The following WIPF1 variants were observed in gnomAD, a reference collection of about 807,000 sequenced individuals.
WIPF1 encodes the protein WAS/WASL-interacting protein family member 1.
WIPF1 carries 13 observed loss-of-function variants against 35.4 expected under a neutral mutation model. The observed-to-expected ratio is 0.37, with a 90% confidence interval of 0.24 to 0.58. WIPF1 has a LOEUF of 0.58. Among genes scored for constraint, WIPF1 ranks in the 20% least tolerant of loss-of-function variants. The pLI is 0.74. For missense variants in WIPF1, 591 were observed against 667.0 expected, an observed-to-expected ratio of 0.89 and a Z score of 1.25; for synonymous variants, 267 against 266.3, an observed-to-expected ratio of 1.00 and a Z score of -0.02.
chr2:174,602,859 G>A (rs1348732747), intron 1 of WIPF1, among the ~76,000 whole-genome samples: 3 of 152,132 alleles, frequency 2.0e-5, no homozygotes, highest in Non-Finnish European at 4.4e-5. Context: ...TTATAATCAC[G>A]TCCATTTGTT....
At chr2:174,642,836 C>T (rs1374027910) in intron 1 of WIPF1, among the ~76,000 whole-genome samples, 1 of 149,340 alleles carries the variant, frequency 6.7e-6, no homozygotes, top group Non-Finnish European at 1.5e-5. Flanking sequence ...TTTCTTATTT[C>T]CTTTTCCCCA....
chr2:174,575,576 G>T, intron 3 of WIPF1, 196 bp from the exon 4 acceptor site: 2 of 955,704 alleles, frequency 2.1e-6, no homozygotes, highest in Non-Finnish European at 2.9e-6. Context: ...CAAGCCCAGT[G>T]GTGGAAGAAA....
At chr2:174,601,088 A>AT (rs11342932), upstream of WIPF1, among the ~76,000 whole-genome samples, 16 of 147,770 alleles carry the variant, frequency 1.1e-4, no homozygotes, top group South Asian at 1.3e-3. Context: ...CGCCTGGCTA[A>AT]TTTTTTTTTT....
intron 1 of WIPF1, among the ~76,000 whole-genome samples, chr2:174,593,023 CT>C (rs988287397): frequency 7.3e-5 from 11 of 150,502 alleles, no homozygotes; most frequent in African/African-American, 1.5e-4. Context: ...TTCAAGATTT[CT>C]TTTTTTTCTT....
chr2:174,601,713 G>A (rs6756690), upstream of WIPF1, among the ~76,000 whole-genome samples: 44,006 of 152,156 alleles, frequency 0.29, 6,575 homozygotes, highest in Middle Eastern at 0.39. Context: ...CAGCAGCCAC[G>A]TTCTTTAAAA....
At chr2:174,678,269 T>C (rs1243217425) in intron 1 of WIPF1, among the ~76,000 whole-genome samples, 1 of 152,178 alleles carries the variant, frequency 6.6e-6, no homozygotes, top group African/African-American at 2.4e-5. Context: ...AAAATATATA[T>C]ACCCATAGTA....
intron 1 of WIPF1, among the ~76,000 whole-genome samples, chr2:174,675,665 A>G (rs1165932106): frequency 6.6e-6 from 1 of 152,162 alleles, no homozygotes; most frequent in African/African-American, 2.4e-5. Flanking sequence ...ACAGTACAAT[A>G]TAATTTTTAA....
In WIPF1 at chr2:174,642,650, TTTG is replaced by T. The variant is rs984685715; in HGVS notation, c.-39+40121_-39+40123del. On this transcript the variant is annotated intron_variant, in intron 1 of 8. Transcript: ENST00000272746. Reference sequence around the variant, plus strand: ...GCATGAGCCGCCGCGCCCGGCCTTTTTTGTTGTTGTTGTTGTTGAGACTGGGTC... The same window carrying T: ...GCATGAGCCGCCGCGCCCGGCCTTTTTTGTTGTTGTTGTTGAGACTGGGTC... Among the ~76,000 whole-genome samples the T allele has an allele frequency of 4.3e-4, 59 of 138,308 alleles. 1 individual carries two copies. Among genetic ancestry groups the T allele is most frequent in the Admixed American group, 3.5e-3 (51 of 14,540 alleles). 90.7% of individuals were successfully genotyped at this position (138,308 alleles called of 152,430 possible).
chr2:174,609,758 C>G (rs1686286700), intron 1 of WIPF1, among the ~76,000 whole-genome samples: 1 of 152,212 alleles, frequency 6.6e-6, no homozygotes, highest in South Asian at 2.1e-4. Context: ...CTGGGAGCCA[C>G]TGCTTCTGGT....
chr2:174,617,241 G>A (rs1236323781), intron 1 of WIPF1, among the ~76,000 whole-genome samples: 1 of 152,106 alleles, frequency 6.6e-6, no homozygotes, highest in Non-Finnish European at 1.5e-5. Context: ...CTTTCTAGGT[G>A]GCACCAGTCA....
intron 1 of WIPF1, chr2:174,673,341 G>A (rs986287175): frequency 3.9e-5 from 6 of 152,244 alleles, no homozygotes; most frequent in African/African-American, 1.2e-4. Flanking sequence ...GGGACTCAGG[G>A]TCTAGAGATT....
At chr2:174,587,601 C>T (rs1685465691) in intron 1 of WIPF1, 1 of 152,202 alleles carries the variant, frequency 6.6e-6, no homozygotes, top group African/African-American at 2.4e-5. Context: ...TTAAATTCCA[C>T]AGCAGCAACA....
chr2:174,596,036 A>G (rs1685811795), intron 1 of WIPF1, among the ~76,000 whole-genome samples: 1 of 152,220 alleles, frequency 6.6e-6, no homozygotes, highest in African/African-American at 2.4e-5. Context: ...CTCATATTTT[A>G]GGTAGGCTGG....
At chr2:174,671,695 A>C (rs1269825086) in intron 1 of WIPF1, among the ~76,000 whole-genome samples, 1 of 152,172 alleles carries the variant, frequency 6.6e-6, no homozygotes, top group Non-Finnish European at 1.5e-5. Context: ...TTTATGGTTG[A>C]AGATAAGGGA....
chr2:174,680,190 A>G lies in WIPF1; in HGVS notation c.-39+2584T>C, dbSNP rs185650761. 6.1e-3 allele frequency among the ~76,000 whole-genome samples: 932 copies of G among 152,320 alleles called. 31 individuals carry two copies. Among genetic ancestry groups the G allele is most frequent in the Non-Finnish European group, 1.1e-3 (76 of 68,038 alleles). On this transcript the variant is annotated intron_variant, in intron 1 of 8. Transcript: ENST00000272746. The stretch of plus-strand genomic sequence containing the variant: ...AAGTAAGCATTCAGGCGCAGACTTC[A>G]TCTCTTTCTGAGCTACATCTTCCTT...
At position 174,627,460 on chromosome 2, in the gene WIPF1, CCTTT is replaced by C. The variant is rs56829613; in HGVS notation, c.-38-41853_-38-41850del. Among the ~76,000 whole-genome samples the C allele has an allele frequency of 4.7e-3, 713 of 150,460 alleles. 6 individuals carry two copies. The highest frequency in any genetic ancestry group is 0.016 in the African/African-American group (668 of 40,988). On this transcript the variant is annotated intron_variant, in intron 1 of 8. Transcript: ENST00000272746. ...TTTCTCTTTCTTTCCTTTCTTTCTT[CCTTT>C]CTCTTTCTTTCTCTCTTTTTCCCTC...
intron 5 of WIPF1, among the ~76,000 whole-genome samples, chr2:174,569,251 G>A (rs1371396968): frequency 2.0e-5 from 3 of 152,126 alleles, no homozygotes; most frequent in Non-Finnish European, 4.4e-5. Flanking sequence ...AGAAAGTCTT[G>A]GCTCCAACAT....
intron 1 of WIPF1, among the ~76,000 whole-genome samples, chr2:174,594,901 C>G (rs932987878): frequency 7.9e-5 from 12 of 151,120 alleles, no homozygotes; most frequent in African/African-American, 2.9e-4. Flanking sequence ...GTTGCTGTGA[C>G]ATTTAAAGCA....
At chr2:174,619,114 C>T (rs545797108) in intron 1 of WIPF1, among the ~76,000 whole-genome samples, 15 of 151,976 alleles carry the variant, frequency 9.9e-5, no homozygotes, top group African/African-American at 3.4e-4. Flanking sequence ...CCACCATGCC[C>T]AGCTGTTTCT....
Sources: allele counts gnomAD v4.1 joint callset (sites outside exome capture counted in the v4.1 genomes callset), GRCh38; gene constraint gnomAD v4.1.1; transcripts MANE v1.5; gene names NCBI Gene and HGNC (gene_info 2026-07-23, HGNC 2026-07-21).